AGMO: variants seen among roughly 807,000 people sequenced by gnomAD.
AGMO encodes alkylglycerol monooxygenase, also known as glyceryl-ether monooxygenase.
A neutral mutation model predicts 60.2 loss-of-function variants in AGMO; 75 were observed. The ratio of observed to expected loss-of-function variants is 1.25; its 90% confidence interval spans 1.03 to 1.51. The LOEUF is 1.51. Among genes scored for constraint, AGMO ranks in the 40% most tolerant of loss-of-function variants. The pLI, the probability that AGMO is intolerant of heterozygous loss-of-function variation, is 0.00. For synonymous variants in AGMO, 261 were observed against 177.1 expected (o/e 1.47, Z -3.76); for missense variants, 763 against 525.5 (o/e 1.45, Z -4.42).
intron 12 of AGMO, among the ~76,000 whole-genome samples, chr7:15,290,178 C>T (rs572214456): frequency 6.5e-4 from 99 of 151,594 alleles, no homozygotes; most frequent in African/African-American, 2.3e-3. Context: ...TAGAGGTATG[C>T]GCCACACACC....
chr7:15,147,603 C>G, the AGMO span, among the ~76,000 whole-genome samples: 2 of 152,074 alleles, frequency 1.3e-5, no homozygotes, highest in Non-Finnish European at 2.9e-5. Context: ...ATACCATACC[C>G]ATTATCTTTT....
chr7:15,363,473 C>T (rs903587237), intron 12 of AGMO, among the ~76,000 whole-genome samples: 6 of 152,248 alleles, frequency 3.9e-5, no homozygotes, highest in Admixed American at 3.9e-4. Flanking sequence ...CTTTTACAGA[C>T]GAGCAAAGCA....
At chr7:15,168,490 C>T in the AGMO span, among the ~76,000 whole-genome samples, 1 of 152,172 alleles carries the variant, frequency 6.6e-6, no homozygotes, top group African/African-American at 2.4e-5. Flanking sequence ...TATTACCATG[C>T]ATCCAGAGCT....
chr7:15,432,801 T>A, intron 3 of AGMO, among the ~76,000 whole-genome samples: 1 of 152,102 alleles, frequency 6.6e-6, no homozygotes, highest in South Asian at 2.1e-4. Context: ...GCAGTCATAA[T>A]CTTTGAAATA....
chr7:15,204,015 T>C lies in AGMO; in HGVS notation c.1264-2656A>G, dbSNP rs543395884. The stretch of plus-strand genomic sequence containing the variant: ...ATTTTTATATATAATAAAATCCAGA[T>C]TGGCAAAGGATCATAGAAATAAAAT... On this transcript the variant is annotated intron_variant, in intron 12 of 12. Transcript: ENST00000342526. Among the ~76,000 whole-genome samples the C allele has an allele frequency of 3.3e-5, 5 of 152,210 alleles. No homozygotes were observed. The East Asian group carries it at 9.7e-4, about 29-fold the overall frequency.
chr7:15,157,320 T>A, the AGMO span, among the ~76,000 whole-genome samples: 1 of 151,742 alleles, frequency 6.6e-6, no homozygotes, highest in Non-Finnish European at 1.5e-5. Context: ...GGTAGGAGAG[T>A]AAAGAGTGGA....
chr7:15,202,333 G>C (rs551753828), intron 12 of AGMO, among the ~76,000 whole-genome samples: 1 of 151,602 alleles, frequency 6.6e-6, no homozygotes, highest in Non-Finnish European at 1.5e-5. Flanking sequence ...GGGGAACTCC[G>C]GTGAAGTCAA....
At chr7:15,282,808 C>G (rs1176758640) in intron 12 of AGMO, among the ~76,000 whole-genome samples, 1 of 152,050 alleles carries the variant, frequency 6.6e-6, no homozygotes, top group African/African-American at 2.4e-5. Flanking sequence ...CTAAAGTTAA[C>G]ATGAAGGAAA....
At chr7:15,412,292 T>G (rs541430319) in intron 5 of AGMO, among the ~76,000 whole-genome samples, 1 of 152,080 alleles carries the variant, frequency 6.6e-6, no homozygotes. Flanking sequence ...TATTTGAGTA[T>G]AGAGTGTTGC....
chr7:15,441,902 T>A (rs1056063861), intron 3 of AGMO, among the ~76,000 whole-genome samples: 1 of 152,110 alleles, frequency 6.6e-6, no homozygotes, highest in African/African-American at 2.4e-5. Flanking sequence ...GCCTCCTGAG[T>A]GGATGTATAT....
the AGMO span, among the ~76,000 whole-genome samples, chr7:15,190,288 A>G: frequency 6.7e-6 from 1 of 149,462 alleles, no homozygotes; most frequent in Non-Finnish European, 1.5e-5. Flanking sequence ...ATCAGAAGAA[A>G]TGCACATTAA....
chr7:15,174,970 A>G, the AGMO span, among the ~76,000 whole-genome samples: 2 of 151,344 alleles, frequency 1.3e-5, no homozygotes, highest in Non-Finnish European at 1.5e-5. Context: ...CATGAATCCT[A>G]TCTAGAATGA....
the AGMO span, among the ~76,000 whole-genome samples, chr7:15,184,325 AGGAG>A: frequency 8.7e-6 from 1 of 114,486 alleles, no homozygotes; most frequent in African/African-American, 3.3e-5. Context: ...GAAGGAGGGA[AGGAG>A]GAAGGAAGGA....
At chr7:15,227,279 G>A (rs192414279) in intron 12 of AGMO, among the ~76,000 whole-genome samples, 156 of 151,994 alleles carry the variant, frequency 1.0e-3, no homozygotes, top group African/African-American at 3.6e-3. Context: ...ATCACATCAA[G>A]CAAACTTCAG....
chr7:15,540,212 G>C (rs996801224), intron 3 of AGMO, among the ~76,000 whole-genome samples: 8 of 152,112 alleles, frequency 5.3e-5, no homozygotes, highest in Non-Finnish European at 1.0e-4. Context: ...ACCACCCCCA[G>C]GTCTAAGACT....
intron 12 of AGMO, among the ~76,000 whole-genome samples, chr7:15,267,894 C>T (rs989712339): frequency 6.6e-6 from 1 of 151,758 alleles, no homozygotes; most frequent in Non-Finnish European, 1.5e-5. Flanking sequence ...ATAACAACTC[C>T]GAGTAATGCC....
At chr7:15,270,330 G>C (rs1255573913) in intron 12 of AGMO, among the ~76,000 whole-genome samples, 1 of 151,970 alleles carries the variant, frequency 6.6e-6, no homozygotes, top group East Asian at 1.9e-4. Flanking sequence ...AATGGTATGA[G>C]ATGATATCAT....
intron 2 of AGMO, among the ~76,000 whole-genome samples, chr7:15,545,762 ATTCT>A (rs1210538920): frequency 6.6e-6 from 1 of 152,022 alleles, no homozygotes; most frequent in East Asian, 1.9e-4. Context: ...AAAGTATATT[ATTCT>A]TTCTTTCAAG....
intron 3 of AGMO, among the ~76,000 whole-genome samples, chr7:15,517,689 G>A (rs1308774335): frequency 1.3e-5 from 2 of 152,064 alleles, no homozygotes; most frequent in African/African-American, 4.8e-5. Context: ...AGATTTCCTT[G>A]GGTGCCTACA....
Sources: gnomAD v4.1 joint callset for allele counts (sites outside exome capture counted in the v4.1 genomes callset) on GRCh38, gnomAD v4.1.1 for gene constraint, MANE v1.5 for transcripts, NCBI Gene and HGNC (gene_info 2026-07-23, HGNC 2026-07-21) for gene names.